AFAP1: variants seen among roughly 807,000 people sequenced by gnomAD.
AFAP1 encodes the protein actin filament-associated protein 1.
Under a neutral mutation model 93.9 loss-of-function variants are expected in AFAP1, and 75 were observed. That is an observed-to-expected ratio of 0.80 (90% CI 0.66 to 0.97). The LOEUF (loss-of-function observed/expected upper bound fraction) is 0.97. AFAP1 is among the 50% of genes least tolerant of loss of function. The pLI, the probability that AFAP1 is intolerant of heterozygous loss-of-function variation, is 0.00. For synonymous variants in AFAP1, 517 were observed against 430.7 expected, an observed-to-expected ratio of 1.20 and a Z score of -2.48; for missense variants, 1,201 against 1,050.8, an observed-to-expected ratio of 1.14 and a Z score of -1.98.
Position 7,939,205 on chromosome 4 carries a change from CCCCCTCGTCCGAGGGTCCGCGCAGT to C in AFAP1, c.-3+426_-3+450del, listed in dbSNP as rs1721577119. ...AAGAGCCCCCATCCAGAGTCACGGA[CCCCCTCGTCCGAGGGTCCGCGCAGT>C]CCCCTCGGTAAGTCGGACGAAGCAG... On this transcript the variant is annotated intron_variant, in intron 1 of 17. Transcript: ENST00000420658. This position sits in a 1 kb window ranked among gnomAD's most constrained non-coding sequence, Gnocchi z 5.6. The C allele has an allele frequency of 4.4e-6, 1 of 225,204 alleles. No individual in the cohort carries two copies. Among genetic ancestry groups the C allele is most frequent in the African/African-American group, 2.4e-5 (1 of 41,828 alleles). 14.0% of individuals were successfully genotyped at this position (225,204 alleles called of 1,614,324 possible).
intron 1 of AFAP1, among the ~76,000 whole-genome samples, chr4:7,885,539 C>T (rs1283538864): frequency 1.3e-5 from 2 of 152,220 alleles, no homozygotes; most frequent in African/African-American, 4.8e-5. Flanking sequence ...AGCCAGTAGA[C>T]AGTTGGAAGA....
At chr4:7,835,077 C>T (rs77383430) in intron 6 of AFAP1, among the ~76,000 whole-genome samples, 2 of 71,188 alleles carry the variant, frequency 2.8e-5, no homozygotes, top group Non-Finnish European at 5.1e-5. Flanking sequence ...GAATGGACTG[C>T]GGGCTGCCTT....
chr4:7,860,929 G>GCTCGC (rs144100548), intron 3 of AFAP1, among the ~76,000 whole-genome samples: 4 of 152,244 alleles, frequency 2.6e-5, no homozygotes, highest in South Asian at 2.1e-4. Context: ...CGCCTGCCTC[G>GCTCGC]CTCGCCTCGC....
At chr4:7,783,979 C>A (rs1209930347) in intron 12 of AFAP1, among the ~76,000 whole-genome samples, 2 of 152,184 alleles carry the variant, frequency 1.3e-5, no homozygotes, top group Non-Finnish European at 2.9e-5. Context: ...TGTCAAGAGA[C>A]ACTGGGGTGA....
chr4:7,882,817 C>A (rs1164224886), intron 1 of AFAP1, among the ~76,000 whole-genome samples: 2 of 151,932 alleles, frequency 1.3e-5, no homozygotes, highest in Admixed American at 1.3e-4. Flanking sequence ...CGAGATAGAG[C>A]CACTGCACTC....
intron 1 of AFAP1, among the ~76,000 whole-genome samples, chr4:7,936,658 T>G (rs991728170): frequency 4.0e-5 from 6 of 151,136 alleles, no homozygotes; most frequent in African/African-American, 1.5e-4. Flanking sequence ...ATCGGCTCAC[T>G]GCAATCTCTG....
chr4:7,771,443 T>C (rs1200449192), intron 16 of AFAP1, among the ~76,000 whole-genome samples: 2 of 152,118 alleles, frequency 1.3e-5, no homozygotes, highest in Non-Finnish European at 2.9e-5. Flanking sequence ...TGAATGAATA[T>C]ATGATTTTAT....
At position 7,819,225 on chromosome 4, in the gene AFAP1, G is replaced by A. The variant is rs1720751172; in HGVS notation, c.727-54C>T. On this transcript the variant is annotated intron_variant, in intron 6 of 17. Transcript: ENST00000420658. Reference sequence around the variant, plus strand: ...ATGCCCAAAGGCAGAGATACTTAAAGGCTTGAACTGTGAGTTGTACAGACA... The same window carrying A: ...ATGCCCAAAGGCAGAGATACTTAAAAGCTTGAACTGTGAGTTGTACAGACA... 8 of 1,489,950 alleles carry A rather than the reference G, an allele frequency of 5.4e-6. No individual in the cohort carries two copies. In the East Asian group the frequency reaches 1.8e-4, roughly 34 times the overall value. 92.3% of individuals were successfully genotyped at this position (1,489,950 alleles called of 1,614,324 possible).
chr4:7,768,058 G>A (rs1230892181), intron 17 of AFAP1, among the ~76,000 whole-genome samples: 1 of 152,252 alleles, frequency 6.6e-6, no homozygotes, highest in Non-Finnish European at 1.5e-5. Context: ...CTGGGCCAGG[G>A]AGCGAGGCCC....
intron 11 of AFAP1, among the ~76,000 whole-genome samples, chr4:7,792,429 T>G (rs567397948): frequency 6.6e-6 from 1 of 152,172 alleles, no homozygotes; most frequent in African/African-American, 2.4e-5. Flanking sequence ...CCACGGCAGA[T>G]GCAAATTTTC....
intron 6 of AFAP1, among the ~76,000 whole-genome samples, chr4:7,832,649 A>C (rs1711762247): frequency 7.2e-6 from 1 of 138,038 alleles, no homozygotes; most frequent in Non-Finnish European, 1.5e-5. Context: ...ACTAGAAAAA[A>C]CAATCCTAAA....
chr4:7,898,808 A>AGTGT (rs56404898), intron 1 of AFAP1, among the ~76,000 whole-genome samples: 1,987 of 136,994 alleles, frequency 0.015, 28 homozygotes, highest in African/African-American at 0.037. Flanking sequence ...GGGCAGTAGA[A>AGTGT]GTGTGTGTGT....
At chr4:7,801,444 AC>A (rs1194806508) in intron 9 of AFAP1, among the ~76,000 whole-genome samples, 1 of 151,970 alleles carries the variant, frequency 6.6e-6, no homozygotes, top group African/African-American at 2.4e-5. Context: ...AAAAAAAAAA[AC>A]CTCCTCAAAT....
chr4:7,935,373 A>G (rs924055958), intron 1 of AFAP1, among the ~76,000 whole-genome samples: 1 of 152,242 alleles, frequency 6.6e-6, no homozygotes, highest in Non-Finnish European at 1.5e-5. Context: ...CTCTGCTAAA[A>G]AGAACTAAAG....
At chr4:7,889,080 T>C (rs933031927) in intron 1 of AFAP1, among the ~76,000 whole-genome samples, 2 of 152,116 alleles carry the variant, frequency 1.3e-5, no homozygotes, top group Non-Finnish European at 1.5e-5. Flanking sequence ...GCATGAGCCA[T>C]TGTGCCTGCC....
At chr4:7,875,163 T>C (rs1468284021) in intron 1 of AFAP1, among the ~76,000 whole-genome samples, 1 of 152,200 alleles carries the variant, frequency 6.6e-6, no homozygotes, top group Non-Finnish European at 1.5e-5. Flanking sequence ...AGCAAAAAAG[T>C]TTGAGAGCTG....
intron 9 of AFAP1, among the ~76,000 whole-genome samples, chr4:7,807,765 A>T (rs1206046747): frequency 2.0e-5 from 3 of 152,174 alleles, no homozygotes; most frequent in Admixed American, 1.3e-4. Context: ...AACTTCCCAG[A>T]TCACACTGTG....
intron 15 of AFAP1, 40 bp downstream of exon 15, chr4:7,774,699 A>G: frequency 6.3e-7 from 1 of 1,599,982 alleles, no homozygotes; most frequent in Non-Finnish European, 8.5e-7. Flanking sequence ...AGTCTCTAAT[A>G]CAAACATGCA....
intron 5 of AFAP1, 43 bp from the exon 6 acceptor site, chr4:7,838,746 C>A: frequency 4.4e-6 from 7 of 1,592,140 alleles, no homozygotes; most frequent in South Asian, 2.3e-5. Flanking sequence ...TAAGGGAGTT[C>A]GAACAGAAAC....
Sources: gnomAD v4.1 joint callset for allele counts (sites outside exome capture counted in the v4.1 genomes callset) on GRCh38, gnomAD v4.1.1 for gene constraint, Gnocchi (gnomAD v3.1) non-coding constraint, MANE v1.5 for transcripts, NCBI Gene and HGNC (gene_info 2026-07-23, HGNC 2026-07-21) for gene names.